CNTNAP2: variants seen among roughly 807,000 people sequenced by gnomAD.
CNTNAP2 encodes the protein contactin associated protein 2, also known as contactin-associated protein-like 2.
A neutral mutation model predicts 155.2 loss-of-function variants in CNTNAP2; 98 were observed. The observed-to-expected ratio is 0.63, with a 90% CI of 0.54 to 0.75. The LOEUF (loss-of-function observed/expected upper bound fraction) is 0.75. Ranked by LOEUF, CNTNAP2 falls within the 30% of genes least tolerant of loss-of-function variation. CNTNAP2 has a pLI of 0.00. For synonymous variants in CNTNAP2, 651 were observed against 631.2 expected, an observed-to-expected ratio of 1.03 and a Z score of -0.47; for missense variants, 1,727 against 1,688.1, an observed-to-expected ratio of 1.02 and a Z score of -0.40.
At chr7:147,202,241 T>A (rs59826376) in intron 8 of CNTNAP2, among the ~76,000 whole-genome samples, 2,245 of 145,506 alleles carry the variant, frequency 0.015, 60 homozygotes, top group African/African-American at 0.054. Flanking sequence ...TAGCCTGATT[T>A]AAAAAAAAAA....
chr7:148,349,403 C>CTT (rs1457969528), intron 21 of CNTNAP2, among the ~76,000 whole-genome samples: 11 of 8,712 alleles, frequency 1.3e-3, no homozygotes, highest in East Asian at 8.6e-3. Flanking sequence ...CAAAAAAAAT[C>CTT]TCTCTTTTTT....
intron 14 of CNTNAP2, among the ~76,000 whole-genome samples, chr7:147,970,920 C>A (rs1315294102): frequency 2.0e-5 from 3 of 152,154 alleles, no homozygotes; most frequent in African/African-American, 7.2e-5. Flanking sequence ...GTGGGACATT[C>A]TGTGCCATTT....
In CNTNAP2 at chr7:146,313,078, T is replaced by C. The variant is rs550816127; in HGVS notation, c.97+196105T>C. On this transcript the variant is annotated intron_variant, in intron 1 of 23. Coordinates refer to ENST00000361727, the MANE Select transcript of CNTNAP2 (RefSeq NM_014141.6). ...ACTACCTTTGGAATATATCCAGAAG[T>C]GGGATTGCTGAATCACATAGTAATT... Among the ~76,000 whole-genome samples the C allele has an allele frequency of 1.0e-3, 155 of 152,242 alleles. 1 individual carries two copies. The highest frequency in any genetic ancestry group is 9.3e-3 in the South Asian group (45 of 4,816).
At chr7:147,406,273 CTTTT>C (rs1462128359) in intron 10 of CNTNAP2, among the ~76,000 whole-genome samples, 1 of 152,090 alleles carries the variant, frequency 6.6e-6, no homozygotes, top group Non-Finnish European at 1.5e-5. Context: ...GTATAAGACT[CTTTT>C]ACTTTCATTA....
intron 14 of CNTNAP2, among the ~76,000 whole-genome samples, chr7:147,962,229 T>C (rs1801130195): frequency 6.6e-6 from 1 of 152,356 alleles, no homozygotes; most frequent in Non-Finnish European, 1.5e-5. Context: ...ATAACAAGTT[T>C]ATGAGTACTT....
At chr7:147,443,270 T>G (rs1242304428) in intron 10 of CNTNAP2, among the ~76,000 whole-genome samples, 3 of 152,050 alleles carry the variant, frequency 2.0e-5, no homozygotes, top group Non-Finnish European at 4.4e-5. Context: ...TCAGCGGAGT[T>G]TGATCTGGTT....
chr7:147,945,868 C>CTTTTTTTTTTTTTTTTTTTTCT (rs34305612), intron 14 of CNTNAP2, among the ~76,000 whole-genome samples: 2 of 123,362 alleles, frequency 1.6e-5, no homozygotes, highest in Non-Finnish European at 3.3e-5. Context: ...TTTTCTTTTT[C>CTTTTTTTTTTTTTTTTTTTTCT]TTTTTTTTTT....
chr7:147,890,277 G>T (rs1439803030), intron 13 of CNTNAP2, among the ~76,000 whole-genome samples: 2 of 152,128 alleles, frequency 1.3e-5, no homozygotes, highest in African/African-American at 4.8e-5. Context: ...GTGGTATTTT[G>T]ATAGAATTTA....
At chr7:147,073,605 A>C (rs1429013459) in intron 4 of CNTNAP2, among the ~76,000 whole-genome samples, 1 of 152,208 alleles carries the variant, frequency 6.6e-6, no homozygotes, top group Non-Finnish European at 1.5e-5. Flanking sequence ...AGATCTAAAA[A>C]TAATGGCTGA....
intron 3 of CNTNAP2, among the ~76,000 whole-genome samples, chr7:147,001,191 A>G (rs77295537): frequency 0.064 from 9,755 of 152,118 alleles, 367 homozygotes; most frequent in Middle Eastern, 0.14. Flanking sequence ...GTGCTATGAC[A>G]AGGTACAGTC....
intron 4 of CNTNAP2, among the ~76,000 whole-genome samples, chr7:147,057,266 A>C (rs530637507): frequency 6.6e-6 from 1 of 152,326 alleles, no homozygotes; most frequent in East Asian, 1.9e-4. Context: ...ACTTGCCCAC[A>C]AACAGCTGAG....
chr7:146,246,236 T>TG lies in CNTNAP2; in HGVS notation c.97+129267dup, dbSNP rs199976282. ...AGTATCTTATACTTGTGGGTTAAGG[T>TG]GGGGTAATACAAGAGGAGGACGCAA... is the stretch of plus-strand genomic sequence containing the variant. On this transcript the variant is annotated intron_variant, in intron 1 of 23. Coordinates refer to ENST00000361727, the MANE Select transcript of CNTNAP2 (RefSeq NM_014141.6). 3.3e-3 allele frequency among the ~76,000 whole-genome samples: 491 copies of TG among 149,386 alleles called. 4 individuals carry two copies. The highest frequency in any genetic ancestry group is 0.024 in the Middle Eastern group (7 of 286).
intron 1 of CNTNAP2, among the ~76,000 whole-genome samples, chr7:146,636,679 T>C (rs1019108863): frequency 1.3e-5 from 2 of 152,204 alleles, no homozygotes; most frequent in African/African-American, 4.8e-5. Flanking sequence ...TCACTGATTA[T>C]TTGTAGAGAG....
In CNTNAP2 at chr7:148,383,663, G is replaced by A; in HGVS notation, c.3490G>A (p.Asp1164Asn). The change falls in exon 22 of 24, where the codon GAC (aspartate) becomes AAC (asparagine). Residue 1164 changes from aspartate to asparagine, a missense_variant. Physicochemically the swap from Asp to Asn is conservative, Grantham distance 23. Coordinates refer to ENST00000361727, the MANE Select transcript of CNTNAP2 (RefSeq NM_014141.6). ...LGKVIETGKI[D>N]QEIHKYNTPG... ...TTTTCTTTTAGAAACAGGGAAAATT[G>A]ACCAAGAGATTCACAAATACAACAC... The A allele has an allele frequency of 6.2e-7, 1 of 1,614,134 alleles. No individual in the cohort carries two copies. Among genetic ancestry groups the A allele is most frequent in the Non-Finnish European group, 8.5e-7 (1 of 1,180,032 alleles).
At chr7:146,981,341 G>A (rs1467188219) in intron 3 of CNTNAP2, among the ~76,000 whole-genome samples, 1 of 152,106 alleles carries the variant, frequency 6.6e-6, no homozygotes, top group Non-Finnish European at 1.5e-5. Flanking sequence ...AAATAGATGA[G>A]AACAGTAGAA....
intron 12 of CNTNAP2, among the ~76,000 whole-genome samples, chr7:147,577,989 T>C (rs1462002755): frequency 6.6e-6 from 1 of 152,122 alleles, no homozygotes; most frequent in Non-Finnish European, 1.5e-5. Context: ...TGATATTTGA[T>C]AGCAAAATGT....
At chr7:147,839,738 G>T (rs1380929891) in intron 13 of CNTNAP2, among the ~76,000 whole-genome samples, 3 of 151,968 alleles carry the variant, frequency 2.0e-5, no homozygotes, top group Non-Finnish European at 2.9e-5. Flanking sequence ...CCTACTACTG[G>T]GCGTCTACTC....
intron 18 of CNTNAP2, 152 bp downstream of exon 18, chr7:148,172,630 C>T (rs1794843076): frequency 3.8e-6 from 3 of 785,460 alleles, no homozygotes; most frequent in Non-Finnish European, 6.6e-6. Context: ...AATTTTCCAA[C>T]CAAAATCATT....
At chr7:146,843,927 C>T (rs1312514222) in intron 3 of CNTNAP2, among the ~76,000 whole-genome samples, 1 of 151,990 alleles carries the variant, frequency 6.6e-6, no homozygotes, top group East Asian at 1.9e-4. Context: ...ATTGTTTTTA[C>T]TATCCATTTT....
Sources: allele counts gnomAD v4.1 joint callset (sites outside exome capture counted in the v4.1 genomes callset), GRCh38; gene constraint gnomAD v4.1.1; transcripts MANE v1.5; gene names NCBI Gene and HGNC (gene_info 2026-07-23, HGNC 2026-07-21).